Variants in CCSER1 observed in about 807,000 individuals in gnomAD.
CCSER1 encodes the protein coiled-coil serine rich protein 1, also known as serine-rich coiled-coil domain-containing protein 1.
A neutral mutation model predicts 82.0 loss-of-function variants in CCSER1; 41 were observed. The ratio of observed to expected loss-of-function variants is 0.50; its 90% CI spans 0.39 to 0.65. The LOEUF (loss-of-function observed/expected upper bound fraction) is 0.65. Among genes scored for constraint, CCSER1 ranks in the 30% least tolerant of loss-of-function variants. The pLI is 0.00. For missense variants in CCSER1, 1,119 were observed against 1,064.2 expected (o/e 1.05, Z -0.72); for synonymous variants, 414 against 383.9 (o/e 1.08, Z -0.92).
intron 5 of CCSER1, among the ~76,000 whole-genome samples, chr4:90,590,817 T>C (rs1375775078): frequency 1.3e-5 from 2 of 152,208 alleles, no homozygotes; most frequent in Admixed American, 6.5e-5. Flanking sequence ...TAAAGTAGTT[T>C]TTTCTAGTTC....
intron 1 of CCSER1, among the ~76,000 whole-genome samples, chr4:90,228,354 C>T (rs975936966): frequency 1.3e-5 from 2 of 152,282 alleles, no homozygotes; most frequent in Non-Finnish European, 2.9e-5. Flanking sequence ...CACCCCCCAG[C>T]AGGGGCAGAC....
At chr4:91,553,635 A>C (rs1588986) in intron 10 of CCSER1, among the ~76,000 whole-genome samples, 81,608 of 150,164 alleles carry the variant, frequency 0.54, 22,718 homozygotes, top group East Asian at 0.61. Flanking sequence ...GTATTTCTGC[A>C]TGAATTAGCT....
At chr4:91,379,504 T>G (rs1312803513) in intron 10 of CCSER1, among the ~76,000 whole-genome samples, 1 of 152,234 alleles carries the variant, frequency 6.6e-6, no homozygotes, top group Non-Finnish European at 1.5e-5. Context: ...TCCAGGAGTT[T>G]ATCCATTTCT....
chr4:90,428,617 G>C (rs755492438), intron 4 of CCSER1, among the ~76,000 whole-genome samples: 4 of 151,812 alleles, frequency 2.6e-5, no homozygotes, highest in African/African-American at 9.7e-5. Flanking sequence ...CATCATAAAA[G>C]TCTTTGTTCT....
intron 3 of CCSER1, among the ~76,000 whole-genome samples, chr4:90,346,539 G>A: frequency 6.6e-6 from 1 of 151,992 alleles, no homozygotes; most frequent in East Asian, 1.9e-4. Flanking sequence ...AACTTCGAAT[G>A]CTTTCCATTA....
At chr4:91,109,976 A>G (rs544673100) in intron 10 of CCSER1, among the ~76,000 whole-genome samples, 4 of 152,248 alleles carry the variant, frequency 2.6e-5, no homozygotes, top group African/African-American at 9.6e-5. Flanking sequence ...AGGATAGTAT[A>G]TTAAACTTTT....
At chr4:90,886,742 CAAAG>C (rs1722176522) in intron 8 of CCSER1, among the ~76,000 whole-genome samples, 1 of 152,032 alleles carries the variant, frequency 6.6e-6, no homozygotes, top group African/African-American at 2.4e-5. Context: ...GGTTGCCTGA[CAAAG>C]AAAGAACTAC....
intron 10 of CCSER1, among the ~76,000 whole-genome samples, chr4:91,405,230 T>A (rs1187107142): frequency 6.6e-6 from 1 of 152,170 alleles, no homozygotes; most frequent in Non-Finnish European, 1.5e-5. Flanking sequence ...CTGGTTTTTT[T>A]TTTTGTTTTC....
intron 10 of CCSER1, among the ~76,000 whole-genome samples, chr4:91,277,127 T>C (rs1742529114): frequency 6.6e-6 from 1 of 152,060 alleles, no homozygotes; most frequent in African/African-American, 2.4e-5. Context: ...GTTGCACTTT[T>C]TTCTGCCTTT....
At chr4:91,584,945 T>C (rs1763915397) in intron 10 of CCSER1, among the ~76,000 whole-genome samples, 1 of 151,524 alleles carries the variant, frequency 6.6e-6, no homozygotes, top group Admixed American at 6.6e-5. Context: ...CCTTTTATTA[T>C]GTATTTTTAC....
At chr4:90,947,012 C>T (rs1732335386) in intron 9 of CCSER1, among the ~76,000 whole-genome samples, 1 of 152,192 alleles carries the variant, frequency 6.6e-6, no homozygotes, top group African/African-American at 2.4e-5. Context: ...TGTTATGTTG[C>T]AGTCTCAGCG....
At chr4:91,404,749 T>G (rs1451738544) in intron 10 of CCSER1, among the ~76,000 whole-genome samples, 2 of 152,146 alleles carry the variant, frequency 1.3e-5, no homozygotes, top group Admixed American at 6.6e-5. Context: ...ATTGCACCAT[T>G]GTCTGAGAGA....
At chr4:90,682,403 G>A (rs1734053913) in intron 6 of CCSER1, among the ~76,000 whole-genome samples, 1 of 151,826 alleles carries the variant, frequency 6.6e-6, no homozygotes, top group Admixed American at 6.6e-5. Context: ...ATCATGGCCT[G>A]GTGAATGCTT....
intron 3 of CCSER1, among the ~76,000 whole-genome samples, chr4:90,330,118 T>A (rs2153494975): frequency 6.6e-6 from 1 of 152,298 alleles, no homozygotes; most frequent in East Asian, 1.9e-4. Context: ...TAATTTAAGA[T>A]CTCTAATCTT....
chr4:91,276,032 C>T (rs988818977), intron 10 of CCSER1, among the ~76,000 whole-genome samples: 4 of 151,994 alleles, frequency 2.6e-5, no homozygotes, highest in Non-Finnish European at 4.4e-5. Context: ...TGTTTTTGTA[C>T]CAATACCATT....
intron 4 of CCSER1, among the ~76,000 whole-genome samples, chr4:90,413,935 C>CGA (rs1425758494): frequency 1.1e-5 from 1 of 92,940 alleles, no homozygotes; most frequent in Non-Finnish European, 1.9e-5. Context: ...GGTGACAGAG[C>CGA]GAGACACCGT....
At chr4:90,877,634 T>C (rs1767374600) in intron 8 of CCSER1, among the ~76,000 whole-genome samples, 1 of 148,874 alleles carries the variant, frequency 6.7e-6, no homozygotes, top group African/African-American at 2.5e-5. Context: ...AAATCTATTT[T>C]CCCCCACTCT....
chr4:90,335,643 A>G (rs894476349), intron 3 of CCSER1, among the ~76,000 whole-genome samples: 1 of 152,212 alleles, frequency 6.6e-6, no homozygotes, highest in East Asian at 1.9e-4. Context: ...GAAAATTTGG[A>G]AAGTTAATAT....
intron 10 of CCSER1, among the ~76,000 whole-genome samples, chr4:91,444,947 T>C (rs1200593392): frequency 6.6e-6 from 1 of 152,236 alleles, no homozygotes; most frequent in Non-Finnish European, 1.5e-5. Flanking sequence ...TGTGCTGTGC[T>C]TCAGGATGTA....
Sources: gnomAD v4.1 joint callset for allele counts (sites outside exome capture counted in the v4.1 genomes callset) on GRCh38, gnomAD v4.1.1 for gene constraint, MANE v1.5 for transcripts, NCBI Gene and HGNC (gene_info 2026-07-23, HGNC 2026-07-21) for gene names.